C1D: variants seen among roughly 807,000 people sequenced by gnomAD.
C1D encodes the protein C1D nuclear receptor corepressor, also known as nuclear nucleic acid-binding protein C1D.
C1D carries 10 observed loss-of-function variants against 17.5 expected under a neutral mutation model. That is an observed-to-expected ratio of 0.57 (90% CI 0.35 to 0.97). The LOEUF (loss-of-function observed/expected upper bound fraction) is 0.97, where lower values mean the gene tolerates loss of function less well. C1D is among the 50% of genes least tolerant of loss of function. The pLI is 0.01. For synonymous variants in C1D, 49 were observed against 54.0 expected (o/e 0.91, Z 0.40); for missense variants, 136 against 160.1 (o/e 0.85, Z 0.81).
intron 1 of C1D, among the ~76,000 whole-genome samples, chr2:68,057,857 G>A (rs770609948): frequency 2.0e-5 from 3 of 152,124 alleles, no homozygotes; most frequent in African/African-American, 4.8e-5. Context: ...GCCACCAGGC[G>A]GCTATTTTCC....
At chr2:68,053,694 G>A (rs926059457) in intron 1 of C1D, among the ~76,000 whole-genome samples, 1 of 152,158 alleles carries the variant, frequency 6.6e-6, no homozygotes, top group Non-Finnish European at 1.5e-5. Context: ...CCATTATGAT[G>A]TGGCCCTTGC....
intron 1 of C1D, among the ~76,000 whole-genome samples, chr2:68,048,970 G>A (rs975480938): frequency 3.3e-5 from 5 of 152,170 alleles, no homozygotes; most frequent in African/African-American, 9.7e-5. Flanking sequence ...GCAGAGGCAG[G>A]TGGATCACCT....
At chr2:68,054,979 TA>T (rs375742608) in intron 1 of C1D, among the ~76,000 whole-genome samples, 225 of 137,386 alleles carry the variant, frequency 1.6e-3, no homozygotes, top group Non-Finnish European at 1.9e-3. Flanking sequence ...CTTTTTTTTT[TA>T]AAAAAAAAAA....
intron 1 of C1D, among the ~76,000 whole-genome samples, chr2:68,052,155 C>G (rs1281873700): frequency 6.6e-6 from 1 of 151,794 alleles, no homozygotes; most frequent in Non-Finnish European, 1.5e-5. Context: ...AGTCAGAGAA[C>G]AGAGAACATT....
chr2:68,058,434 C>G (rs1671502009), intron 1 of C1D, among the ~76,000 whole-genome samples: 1 of 152,202 alleles, frequency 6.6e-6, no homozygotes, highest in East Asian at 1.9e-4. Context: ...CTCAAGAAAG[C>G]ACTCGATGAC....
intron 4 of C1D, among the ~76,000 whole-genome samples, chr2:68,045,063 T>G (rs1478844651): frequency 6.6e-6 from 1 of 152,128 alleles, no homozygotes; most frequent in Non-Finnish European, 1.5e-5. Context: ...AAAAATAAAT[T>G]TATTTTCCCC....
intron 4 of C1D, among the ~76,000 whole-genome samples, chr2:68,044,447 C>G (rs367623136): frequency 6.6e-6 from 1 of 152,196 alleles, no homozygotes; most frequent in Non-Finnish European, 1.5e-5. Context: ...GGGGAACAGG[C>G]TCTGTAATCC....
chr2:68,062,530 C>G (rs1192487598), intron 1 of C1D, among the ~76,000 whole-genome samples: 3 of 152,204 alleles, frequency 2.0e-5, no homozygotes, highest in Admixed American at 2.0e-4. Context: ...ATAAACGGAG[C>G]TAACACAGTA....
chr2:68,059,827 T>C (rs184532945), intron 1 of C1D, among the ~76,000 whole-genome samples: 11 of 152,374 alleles, frequency 7.2e-5, no homozygotes, highest in Admixed American at 2.0e-4. Context: ...TTCTCTTTTC[T>C]GTCTACATTT....
chr2:68,042,711 T>A lies in C1D; in HGVS notation c.*178A>T, dbSNP rs3961803. ...ATCACAATGTTAAAATCCTCAGTGC[T>A]AATCAATAAAGATAATGATCTTTGG... is the stretch of plus-strand genomic sequence containing the variant. On this transcript the variant is annotated 3_prime_UTR_variant, in exon 5 of 5. Transcript: ENST00000410067. 73 of 474,594 alleles carry A rather than the reference T, an allele frequency of 1.5e-4. No individual in the cohort carries two copies. The highest frequency in any genetic ancestry group is 1.3e-3 in the African/African-American group (67 of 51,366). The allele number at this position is 474,594 out of a possible 1,614,324, so 29.4% of individuals were successfully genotyped here. A position where few individuals can be genotyped will look rare whatever the true frequency, so the allele number is the denominator to read the frequency against.
rs143319178 is a variant in C1D, at chr2:68,061,027, T to A, written c.-10+1931A>T. Among the ~76,000 whole-genome samples the A allele has an allele frequency of 5.3e-5, 8 of 152,312 alleles. No homozygotes were observed. In the East Asian group the frequency reaches 1.5e-3, roughly 29 times the overall value. On this transcript the variant is annotated intron_variant, in intron 1 of 4. Transcript: ENST00000410067. ...GTCACCACATGGATCCAAACAAACA[T>A]ACGATAATGTACATTCCAGGGCTCT...
intron 3 of C1D, 34 bp from the exon 4 acceptor site, chr2:68,046,077 GA>G: frequency 7.1e-7 from 1 of 1,405,846 alleles, no homozygotes; most frequent in Non-Finnish European, 9.8e-7. Flanking sequence ...ATAAAATGGT[GA>G]ATGTATTAAT....
At chr2:68,043,736 T>C (rs1671037469) in intron 4 of C1D, among the ~76,000 whole-genome samples, 1 of 152,190 alleles carries the variant, frequency 6.6e-6, no homozygotes, top group South Asian at 2.1e-4. Context: ...ATAAAGTTGA[T>C]GACAGCCATA....
chr2:68,050,606 T>C (rs906381106), intron 1 of C1D, among the ~76,000 whole-genome samples: 1 of 152,170 alleles, frequency 6.6e-6, no homozygotes, highest in Non-Finnish European at 1.5e-5. Context: ...CCTTTCTTGG[T>C]CTCTTCGATG....
chr2:68,053,026 A>G, intron 1 of C1D: 3 of 1,547,316 alleles, frequency 1.9e-6, no homozygotes, highest in Non-Finnish European at 2.6e-6. Flanking sequence ...CTAAAGTTGT[A>G]CATGTTAAAA....
chr2:68,054,969 CTTTTT>C (rs142398518), intron 1 of C1D, among the ~76,000 whole-genome samples: 1 of 131,148 alleles, frequency 7.6e-6, no homozygotes, highest in Non-Finnish European at 1.6e-5. Flanking sequence ...CACATCCTTT[CTTTTT>C]TTTTTAAAAA....
intron 4 of C1D, 25 bp from the exon 5 acceptor site, chr2:68,043,078 T>C (rs375669980): frequency 5.9e-6 from 9 of 1,537,436 alleles, no homozygotes; most frequent in East Asian, 2.3e-5. Flanking sequence ...ACAAAGGCAA[T>C]AGATTTACTA....
At chr2:68,062,840 C>A (rs1299231857) in intron 1 of C1D, 118 bp downstream of exon 1, 3 of 152,200 alleles carry the variant, frequency 2.0e-5, no homozygotes, top group Admixed American at 2.0e-4. Flanking sequence ...TGGAAGGCTA[C>A]GCAGCCAAAC....
intron 1 of C1D, among the ~76,000 whole-genome samples, chr2:68,062,637 T>G (rs548863832): frequency 2.6e-5 from 4 of 152,334 alleles, no homozygotes; most frequent in African/African-American, 9.6e-5. Context: ...TTGATTTTTG[T>G]TTTTAATTTC....
Sources: allele counts gnomAD v4.1 joint callset (sites outside exome capture counted in the v4.1 genomes callset), GRCh38; gene constraint gnomAD v4.1.1; transcripts MANE v1.5; gene names NCBI Gene and HGNC (gene_info 2026-07-23, HGNC 2026-07-21).